The following SUPT3H variants were observed in gnomAD, a reference collection of about 807,000 sequenced individuals.
SUPT3H encodes the protein SPT3 homolog, SAGA and STAGA complex component.
SUPT3H carries 44 observed loss-of-function variants against 44.3 expected under a neutral mutation model. That is an observed-to-expected ratio of 0.99 (90% confidence interval 0.78 to 1.28). The LOEUF is 1.28. Ranked by LOEUF, SUPT3H falls within the 50% of genes most tolerant of loss-of-function variation. The pLI, the probability that SUPT3H is intolerant of heterozygous loss-of-function variation, is 0.00. For synonymous variants in SUPT3H, 124 were observed against 125.6 expected (o/e 0.99, Z 0.09); for missense variants, 380 against 387.1 (o/e 0.98, Z 0.15).
intron 2 of SUPT3H, among the ~76,000 whole-genome samples, chr6:45,143,222 A>AAAATTCTAC (rs1209406872): frequency 1.3e-5 from 2 of 152,288 alleles, no homozygotes; most frequent in Non-Finnish European, 1.5e-5. Flanking sequence ...ATATTTACAG[A>AAAATTCTAC]AAATTCTACC....
At chr6:44,870,357 G>A (rs1184042788) in intron 10 of SUPT3H, among the ~76,000 whole-genome samples, 1 of 152,166 alleles carries the variant, frequency 6.6e-6, no homozygotes, top group Non-Finnish European at 1.5e-5. Flanking sequence ...AGCACTTCGT[G>A]AGTCTGAGGC....
At chr6:44,953,523 C>T in intron 8 of SUPT3H, 106 bp from the exon 9 acceptor site, 1 of 855,554 alleles carries the variant, frequency 1.2e-6, no homozygotes, top group Non-Finnish European at 1.9e-6. Flanking sequence ...GATAATCCTG[C>T]TTGCCTAAAA....
chr6:44,968,681 C>A (rs929276960), intron 6 of SUPT3H, among the ~76,000 whole-genome samples: 3 of 152,064 alleles, frequency 2.0e-5, no homozygotes, highest in African/African-American at 7.2e-5. Flanking sequence ...CCCAACCTAT[C>A]CTGCATACTA....
At position 44,954,800 on chromosome 6, in the gene SUPT3H, A is replaced by C. The variant is rs567869123; in HGVS notation, c.581-193T>G. Among the ~76,000 whole-genome samples the C allele has an allele frequency of 2.0e-5, 3 of 152,338 alleles. No individual in the cohort carries two copies. In the East Asian group the frequency reaches 5.8e-4, roughly 29 times the overall value. On this transcript the variant is annotated intron_variant, in intron 7 of 10. Coordinates refer to ENST00000371459, the MANE Select transcript of SUPT3H (RefSeq NM_003599.4). Reference sequence around the variant, plus strand: ...TTTTAACTCTCAGTTATAAGGCAACACAATGGTTGTTTTCAACAACTCTCT... The same window carrying C: ...TTTTAACTCTCAGTTATAAGGCAACCCAATGGTTGTTTTCAACAACTCTCT...
chr6:44,989,107 A>C (rs1157142981), intron 6 of SUPT3H, among the ~76,000 whole-genome samples: 1 of 152,188 alleles, frequency 6.6e-6, no homozygotes, highest in Non-Finnish European at 1.5e-5. Flanking sequence ...AACATGAGAC[A>C]TTAAAAGAAT....
chr6:45,062,325 G>T (rs1299661090), intron 3 of SUPT3H, among the ~76,000 whole-genome samples: 1 of 152,066 alleles, frequency 6.6e-6, no homozygotes, highest in Non-Finnish European at 1.5e-5. Flanking sequence ...AGTTTTCAAG[G>T]CATAAATCCA....
At chr6:44,913,604 T>C (rs1336176523) in intron 10 of SUPT3H, among the ~76,000 whole-genome samples, 1 of 152,150 alleles carries the variant, frequency 6.6e-6, no homozygotes, top group East Asian at 1.9e-4. Context: ...TCTAGACTCT[T>C]TTCTTAATTG....
intron 2 of SUPT3H, among the ~76,000 whole-genome samples, chr6:45,191,377 C>A (rs1286832319): frequency 2.0e-5 from 3 of 151,746 alleles, no homozygotes; most frequent in Non-Finnish European, 4.4e-5. Context: ...ACTATGTAGA[C>A]AATAAAAAGA....
At chr6:44,925,976 C>T (rs1350671867) in intron 10 of SUPT3H, among the ~76,000 whole-genome samples, 1 of 152,084 alleles carries the variant, frequency 6.6e-6, no homozygotes, top group African/African-American at 2.4e-5. Context: ...CCCTGAGGCC[C>T]TTCCTCAATA....
chr6:45,243,187 G>A (rs1770688297), intron 2 of SUPT3H, among the ~76,000 whole-genome samples: 1 of 91,884 alleles, frequency 1.1e-5, no homozygotes, highest in Admixed American at 1.7e-4. Flanking sequence ...AACAGAGCGA[G>A]ACTCCTTCTC....
intron 2 of SUPT3H, among the ~76,000 whole-genome samples, chr6:45,143,028 G>A (rs1805500382): frequency 6.6e-6 from 1 of 151,802 alleles, no homozygotes; most frequent in Admixed American, 6.6e-5. Flanking sequence ...AAATATATAT[G>A]GACCTAACAC....
intron 2 of SUPT3H, among the ~76,000 whole-genome samples, chr6:45,134,867 C>T (rs1037802110): frequency 2.0e-5 from 3 of 152,184 alleles, no homozygotes; most frequent in Non-Finnish European, 4.4e-5. Context: ...GTTCCCATGG[C>T]TCCACTACGC....
intron 9 of SUPT3H, among the ~76,000 whole-genome samples, chr6:44,944,781 A>AAAAAG (rs1224940430): frequency 1.2e-4 from 17 of 137,028 alleles, no homozygotes; most frequent in African/African-American, 3.1e-4. Flanking sequence ...AAAAAAAAAA[A>AAAAAG]AAAAGAAAAG....
intron 2 of SUPT3H, among the ~76,000 whole-genome samples, chr6:45,179,377 A>G (rs1812665786): frequency 6.6e-6 from 1 of 152,228 alleles, no homozygotes; most frequent in Admixed American, 6.5e-5. Context: ...AACTCATTTT[A>G]TGAGGCCAGC....
At chr6:45,204,297 T>C (rs1333538937) in intron 2 of SUPT3H, among the ~76,000 whole-genome samples, 1 of 79,662 alleles carries the variant, frequency 1.3e-5, no homozygotes, top group Non-Finnish European at 3.0e-5. Flanking sequence ...CTGTATCTCT[T>C]TTGTATTCTA....
intron 2 of SUPT3H, among the ~76,000 whole-genome samples, chr6:45,327,540 C>T (rs968215534): frequency 1.3e-5 from 2 of 151,858 alleles, no homozygotes; most frequent in African/African-American, 4.8e-5. Context: ...GATCTTCAAA[C>T]TAGGCATGAG....
chr6:45,125,044 A>G lies in SUPT3H; in HGVS notation c.102-19038T>C, dbSNP rs557374397. Reference sequence around the variant, plus strand: ...TTGCTGGCAAACACGTAAAGCTAGGAGAGACAAGGAAGGATTCTCCTCTAG... The same window carrying G: ...TTGCTGGCAAACACGTAAAGCTAGGGGAGACAAGGAAGGATTCTCCTCTAG... On this transcript the variant is annotated intron_variant, in intron 2 of 10. Coordinates refer to ENST00000371459, the MANE Select transcript of SUPT3H (RefSeq NM_003599.4). 9.9e-5 allele frequency among the ~76,000 whole-genome samples: 15 copies of G among 152,276 alleles called. No individual in the cohort carries two copies. The East Asian group carries it at 2.9e-3, about 29-fold the overall frequency.
chr6:45,356,096 T>C (rs932866825), intron 2 of SUPT3H, among the ~76,000 whole-genome samples: 5 of 152,264 alleles, frequency 3.3e-5, no homozygotes, highest in African/African-American at 1.2e-4. Context: ...CTCACTCCTC[T>C]TCTCTAGAAA....
chr6:44,887,050 T>C lies in SUPT3H; in HGVS notation c.912+45603A>G, dbSNP rs140718058. Among the ~76,000 whole-genome samples the C allele has an allele frequency of 4.8e-4, 73 of 152,200 alleles. No individual in the cohort carries two copies. The East Asian group carries it at 0.012, about 25-fold the overall frequency. ...CATTACATAATGGTAAAGGGATCAA[T>C]ACAACAAGAAGAGCTAACTATACTA... On this transcript the variant is annotated intron_variant, in intron 10 of 10. Coordinates refer to ENST00000371459, the MANE Select transcript of SUPT3H (RefSeq NM_003599.4).
Sources: gnomAD v4.1 joint callset for allele counts (sites outside exome capture counted in the v4.1 genomes callset) on GRCh38, gnomAD v4.1.1 for gene constraint, MANE v1.5 for transcripts, NCBI Gene and HGNC (gene_info 2026-07-23, HGNC 2026-07-21) for gene names.